Variants in PTPRT observed in about 807,000 individuals in gnomAD.
The protein encoded by PTPRT is protein tyrosine phosphatase receptor type T.
PTPRT carries 56 observed loss-of-function variants against 176.8 expected under a neutral mutation model. The ratio of observed to expected loss-of-function variants is 0.32; its 90% CI spans 0.26 to 0.40. The LOEUF is 0.40. PTPRT is among the 10% of genes least tolerant of loss of function. The pLI is 1.00. For missense variants in PTPRT, 1,540 were observed against 1,908.2 expected, an observed-to-expected ratio of 0.81 and a Z score of 3.60; for synonymous variants, 783 against 739.0, an observed-to-expected ratio of 1.06 and a Z score of -0.96.
At chr20:43,006,106 T>C (rs1984842453) in intron 1 of PTPRT, among the ~76,000 whole-genome samples, 1 of 152,190 alleles carries the variant, frequency 6.6e-6, no homozygotes, top group Non-Finnish European at 1.5e-5. Flanking sequence ...AAATGAGTCA[T>C]GGTTTGTCTT....
chr20:42,178,098 C>T (rs1454212789), intron 16 of PTPRT, among the ~76,000 whole-genome samples: 1 of 152,054 alleles, frequency 6.6e-6, no homozygotes, highest in East Asian at 1.9e-4. Flanking sequence ...CCACCACACC[C>T]GGCTAATTTT....
chr20:42,436,209 C>A (rs1027480293), intron 9 of PTPRT, among the ~76,000 whole-genome samples: 8 of 152,044 alleles, frequency 5.3e-5, no homozygotes, highest in Non-Finnish European at 1.0e-4. Flanking sequence ...CTTAAGGACA[C>A]AAAATGTGTT....
At chr20:42,572,935 T>A (rs529009402) in intron 7 of PTPRT, among the ~76,000 whole-genome samples, 20 of 149,494 alleles carry the variant, frequency 1.3e-4, no homozygotes, top group Non-Finnish European at 2.7e-4. Context: ...TTTTTTTTTT[T>A]TTAACATCTA....
At chr20:42,457,714 G>A (rs2070947497) in intron 8 of PTPRT, among the ~76,000 whole-genome samples, 2 of 152,154 alleles carry the variant, frequency 1.3e-5, no homozygotes, top group African/African-American at 4.8e-5. Context: ...TTAAGGAAGG[G>A]AAATAATTAG....
intron 9 of PTPRT, among the ~76,000 whole-genome samples, chr20:42,393,592 C>G (rs6030202): frequency 6.6e-6 from 1 of 152,164 alleles, no homozygotes; most frequent in Non-Finnish European, 1.5e-5. Context: ...AAGTTGGAAT[C>G]TGATGCCCAC....
intron 7 of PTPRT, among the ~76,000 whole-genome samples, chr20:42,629,023 A>G (rs1246341077): frequency 6.6e-6 from 1 of 152,208 alleles, no homozygotes; most frequent in East Asian, 1.9e-4. Flanking sequence ...ATGCTGTGTC[A>G]TGCAACAGAA....
At chr20:42,265,966 A>G (rs2056832484) in intron 13 of PTPRT, among the ~76,000 whole-genome samples, 1 of 152,188 alleles carries the variant, frequency 6.6e-6, no homozygotes, top group Non-Finnish European at 1.5e-5. Context: ...CCGTGATTTA[A>G]AGAATTTCCA....
intron 27 of PTPRT, among the ~76,000 whole-genome samples, chr20:42,088,397 G>A (rs73271437): frequency 0.12 from 18,395 of 152,124 alleles, 2,910 homozygotes; most frequent in African/African-American, 0.37. Flanking sequence ...CTTCGTGGCC[G>A]AAGAACAGCC....
intron 7 of PTPRT, among the ~76,000 whole-genome samples, chr20:42,566,667 G>C (rs2073045278): frequency 6.6e-6 from 1 of 152,196 alleles, no homozygotes; most frequent in Non-Finnish European, 1.5e-5. Flanking sequence ...AGTCAGGGCT[G>C]CTGTCCACCT....
chr20:42,795,122 G>A (rs1015129421), intron 2 of PTPRT, among the ~76,000 whole-genome samples: 3 of 151,868 alleles, frequency 2.0e-5, no homozygotes, highest in Admixed American at 1.3e-4. Flanking sequence ...CGGTCATTAC[G>A]CCAAGATCAG....
At position 42,477,140 on chromosome 20, in the gene PTPRT, A is replaced by T. The variant is rs186459946; in HGVS notation, c.1154-4578T>A. 2.1e-3 allele frequency among the ~76,000 whole-genome samples: 319 copies of T among 152,232 alleles called. 2 individuals are homozygous for T. The highest frequency in any genetic ancestry group is 0.01 in the Middle Eastern group (3 of 294). ...CACTTTGCACTGTTGTCCAACACACACTTAGCATTTGTCACACTGCCCAGG... is the reference window on the plus strand; with the variant it reads ...CACTTTGCACTGTTGTCCAACACACTCTTAGCATTTGTCACACTGCCCAGG... On this transcript the variant is annotated intron_variant, in intron 7 of 30. Coordinates refer to ENST00000373187, the MANE Select transcript of PTPRT (RefSeq NM_007050.6).
intron 7 of PTPRT, among the ~76,000 whole-genome samples, chr20:42,599,709 A>G (rs1292273888): frequency 6.6e-6 from 1 of 152,200 alleles, no homozygotes; most frequent in Non-Finnish European, 1.5e-5. Context: ...CACATTTCAT[A>G]AAGCCATGAG....
intron 1 of PTPRT, among the ~76,000 whole-genome samples, chr20:43,129,658 G>A (rs1158997631): frequency 4.1e-4 from 49 of 119,996 alleles, no homozygotes; most frequent in African/African-American, 8.3e-4. Context: ...TCGCTCTGTC[G>A]CCCAGGCTGG....
At chr20:42,214,017 G>C (rs1385812106) in intron 15 of PTPRT, among the ~76,000 whole-genome samples, 1 of 152,140 alleles carries the variant, frequency 6.6e-6, no homozygotes, top group East Asian at 1.9e-4. Flanking sequence ...TTATAAACAG[G>C]GTATTAAGTT....
intron 2 of PTPRT, among the ~76,000 whole-genome samples, chr20:42,797,539 A>T (rs567557400): frequency 1.1e-5 from 1 of 92,690 alleles, no homozygotes. Flanking sequence ...TATCTCTCCC[A>T]CCCTCCCCCG....
chr20:42,576,675 ATCT>A (rs2073267936), intron 7 of PTPRT, among the ~76,000 whole-genome samples: 1 of 152,184 alleles, frequency 6.6e-6, no homozygotes, highest in African/African-American at 2.4e-5. Flanking sequence ...GGCTTTCAGA[ATCT>A]TCTGTGTATT....
intron 1 of PTPRT, among the ~76,000 whole-genome samples, chr20:43,172,790 C>G (rs1232723319): frequency 6.6e-6 from 1 of 151,810 alleles, no homozygotes; most frequent in Non-Finnish European, 1.5e-5. Flanking sequence ...GTTTAAGTAG[C>G]TTGTTCAGGT....
intron 8 of PTPRT, among the ~76,000 whole-genome samples, chr20:42,467,193 T>C (rs2071115519): frequency 6.6e-6 from 1 of 152,188 alleles, no homozygotes; most frequent in Admixed American, 6.5e-5. Flanking sequence ...CTGGTTCAGG[T>C]GAAGACTCTC....
chr20:42,791,588 G>C (rs538252806), intron 2 of PTPRT, 122 bp from the exon 3 acceptor site: 3 of 1,138,466 alleles, frequency 2.6e-6, no homozygotes, highest in Non-Finnish European at 3.7e-6. Flanking sequence ...AGTCACTCTA[G>C]AAGGGTCTGG....
Sources: gnomAD v4.1 joint callset for allele counts (sites outside exome capture counted in the v4.1 genomes callset) on GRCh38, gnomAD v4.1.1 for gene constraint, MANE v1.5 for transcripts, NCBI Gene and HGNC (gene_info 2026-07-23, HGNC 2026-07-21) for gene names.